Variants in CCDC141 observed in about 807,000 individuals in gnomAD.
The protein encoded by CCDC141 is coiled-coil domain containing 141.
In CCDC141, 168 loss-of-function variants were observed where a neutral mutation model predicts 181.0. The observed-to-expected ratio is 0.93, with a 90% confidence interval of 0.82 to 1.05. The LOEUF (loss-of-function observed/expected upper bound fraction) is 1.05. Among genes scored for constraint, CCDC141 ranks in the 50% least tolerant of loss-of-function variants. The pLI is 0.00. For missense variants in CCDC141, 1,902 were observed against 1,788.5 expected (o/e 1.06, Z -1.14); for synonymous variants, 666 against 642.3 (o/e 1.04, Z -0.56).
intron 8 of CCDC141, among the ~76,000 whole-genome samples, chr2:178,903,378 C>A (rs1308034090): frequency 1.3e-5 from 2 of 151,856 alleles, no homozygotes; most frequent in African/African-American, 2.4e-5. Context: ...CAATGATAGA[C>A]TGGATTAAGA....
At chr2:178,839,581 CAA>C (rs58096328) in intron 22 of CCDC141, among the ~76,000 whole-genome samples, 829 of 59,442 alleles carry the variant, frequency 0.014, 10 homozygotes, top group African/African-American at 0.047. Flanking sequence ...ACTTCGTCTC[CAA>C]AAAAAAAAAA....
chr2:178,919,119 G>A (rs1688579970), intron 6 of CCDC141, among the ~76,000 whole-genome samples: 1 of 152,082 alleles, frequency 6.6e-6, no homozygotes, highest in African/African-American at 2.4e-5. Flanking sequence ...TTGGCAGTCT[G>A]CAACCCAGAA....
intron 2 of CCDC141, among the ~76,000 whole-genome samples, chr2:178,981,620 T>C (rs1691397036): frequency 2.6e-5 from 2 of 78,034 alleles, no homozygotes; most frequent in Non-Finnish European, 4.7e-5. Flanking sequence ...ATTTGTAGCA[T>C]TGAATGTGTG....
intron 2 of CCDC141, among the ~76,000 whole-genome samples, chr2:179,015,367 T>C (rs1489142053): frequency 1.4e-5 from 2 of 141,374 alleles, no homozygotes; most frequent in African/African-American, 2.6e-5. Context: ...ATCCCATATA[T>C]GTATCATATA....
At chr2:179,046,005 TACCACTGTC>T (rs2043486283) in intron 2 of CCDC141, among the ~76,000 whole-genome samples, 1 of 152,228 alleles carries the variant, frequency 6.6e-6, no homozygotes, top group African/African-American at 2.4e-5. Flanking sequence ...CAGTTACTTT[TACCACTGTC>T]CAAGCAGAAA....
intron 2 of CCDC141, among the ~76,000 whole-genome samples, chr2:179,031,301 T>C (rs1053203033): frequency 6.6e-6 from 1 of 152,044 alleles, no homozygotes; most frequent in Non-Finnish European, 1.5e-5. Flanking sequence ...GAGTTGTTCA[T>C]AGTATTCCTT....
At chr2:179,027,488 C>CA (rs1255559134) in intron 2 of CCDC141, among the ~76,000 whole-genome samples, 15 of 150,514 alleles carry the variant, frequency 1.0e-4, no homozygotes, top group Admixed American at 3.3e-4. Flanking sequence ...ACTAAAAATA[C>CA]AAAAAAAATA....
chr2:178,916,053 T>C lies in CCDC141; in HGVS notation c.1092+2660A>G, dbSNP rs576417513. ...TGTCTTCTGCAATCATCCATGAAAC[T>C]GTGATAAGTTAACATGTTAGCTTGA... On this transcript the variant is annotated intron_variant, in intron 7 of 23. Transcript: ENST00000443758. Among the ~76,000 whole-genome samples, 4 of 152,166 alleles carry C rather than the reference T, an allele frequency of 2.6e-5. No homozygotes were observed. In the South Asian group the frequency reaches 6.2e-4, roughly 24 times the overall value.
chr2:178,888,751 A>G, intron 8 of CCDC141, 83 bp from the exon 9 acceptor site: 1 of 1,454,978 alleles, frequency 6.9e-7, no homozygotes. Flanking sequence ...CTCTCATGTT[A>G]GGTAGGCGTT....
chr2:178,852,056 A>C (rs558822047), intron 20 of CCDC141, among the ~76,000 whole-genome samples: 3 of 152,328 alleles, frequency 2.0e-5, no homozygotes, highest in Admixed American at 6.5e-5. Context: ...TTTGTTAAGC[A>C]GTTGGTATGT....
chr2:179,003,962 A>G (rs16866593), intron 2 of CCDC141, among the ~76,000 whole-genome samples: 6,106 of 152,272 alleles, frequency 0.04, 392 homozygotes, highest in East Asian at 0.2. Flanking sequence ...ATATGAAAAC[A>G]AATAATTGTA....
chr2:179,023,698 A>C (rs971423256), intron 2 of CCDC141, among the ~76,000 whole-genome samples: 1 of 152,036 alleles, frequency 6.6e-6, no homozygotes, highest in Non-Finnish European at 1.5e-5. Flanking sequence ...GAAAACTTAC[A>C]CTCTTATGAG....
At chr2:179,049,530 T>G (rs967482009) in intron 1 of CCDC141, among the ~76,000 whole-genome samples, 13 of 152,182 alleles carry the variant, frequency 8.5e-5, no homozygotes, top group African/African-American at 2.7e-4. Context: ...GCCTTGCTTT[T>G]AAAGACCAAA....
intron 2 of CCDC141, among the ~76,000 whole-genome samples, chr2:179,021,184 C>T (rs781119371): frequency 6.6e-6 from 1 of 152,126 alleles, no homozygotes; most frequent in East Asian, 1.9e-4. Context: ...TTGTACCTTC[C>T]GTTGTAAACC....
intron 8 of CCDC141, among the ~76,000 whole-genome samples, chr2:178,899,759 G>A (rs1191523647): frequency 2.6e-5 from 4 of 152,126 alleles, no homozygotes; most frequent in Non-Finnish European, 5.9e-5. Context: ...AATTTACATT[G>A]ATTTCCATTG....
In CCDC141 at chr2:178,884,981, ATTC is replaced by A. The variant is rs1159859908; in HGVS notation, c.1636_1638del (p.Glu546del). ...TCAATGCTTTGGCCAAATAGGTTTA[ATTC>A]TTCTGCTAGCCATCTAGCTTTAGAG... On this transcript the variant is annotated inframe_deletion, in exon 11 of 24. Coordinates refer to ENST00000443758, the MANE Select transcript of CCDC141 (RefSeq NM_173648.4). The A allele has an allele frequency of 2.6e-6, 4 of 1,550,356 alleles. No homozygotes were observed. Among genetic ancestry groups the A allele is most frequent in the Non-Finnish European group, 2.6e-6 (3 of 1,146,888 alleles).
intron 13 of CCDC141, 44 bp from the exon 14 acceptor site, chr2:178,871,596 T>C (rs1398991271): frequency 1.2e-6 from 2 of 1,601,032 alleles, no homozygotes; most frequent in African/African-American, 1.4e-5. Flanking sequence ...TTCTTTGACA[T>C]CTCCAGCAAA....
intron 11 of CCDC141, among the ~76,000 whole-genome samples, chr2:178,882,485 T>G (rs988746506): frequency 6.6e-6 from 1 of 152,210 alleles, no homozygotes; most frequent in East Asian, 1.9e-4. Context: ...AGATTTGTGC[T>G]GAACAGGAGC....
intron 6 of CCDC141, among the ~76,000 whole-genome samples, chr2:178,938,872 A>C (rs1689396571): frequency 6.6e-6 from 1 of 152,190 alleles, no homozygotes; most frequent in Admixed American, 6.6e-5. Context: ...AGATGCAACC[A>C]AGTATAGCCT....
Sources: gnomAD v4.1 joint callset for allele counts (sites outside exome capture counted in the v4.1 genomes callset) on GRCh38, gnomAD v4.1.1 for gene constraint, MANE v1.5 for transcripts, NCBI Gene and HGNC (gene_info 2026-07-23, HGNC 2026-07-21) for gene names.